The following SDCCAG8 variants were observed in gnomAD, a reference collection of about 807,000 sequenced individuals.
SDCCAG8 encodes the protein SHH signaling and ciliogenesis regulator SDCCAG8, also known as serologically defined colon cancer antigen 8.
In SDCCAG8, 74 loss-of-function variants were observed where a neutral mutation model predicts 101.8. The observed-to-expected ratio is 0.73, with a 90% CI of 0.60 to 0.88. SDCCAG8 has a LOEUF of 0.88. SDCCAG8 is among the 40% of genes least tolerant of loss of function. The pLI is 0.00. For missense variants in SDCCAG8, 787 were observed against 822.6 expected (o/e 0.96, Z 0.53); for synonymous variants, 281 against 292.9 (o/e 0.96, Z 0.41).
intron 6 of SDCCAG8, among the ~76,000 whole-genome samples, chr1:243,294,439 C>G (rs960123147): frequency 6.7e-6 from 1 of 149,018 alleles, no homozygotes; most frequent in Non-Finnish European, 1.5e-5. Context: ...ATTCCAGGAG[C>G]TGAAAACAAA....
chr1:243,348,868 C>T (rs191413202), intron 12 of SDCCAG8, among the ~76,000 whole-genome samples: 1,692 of 151,742 alleles, frequency 0.011, 30 homozygotes, highest in African/African-American at 0.039. Context: ...TGCCTGTAAT[C>T]CCAGCTACTC....
chr1:243,281,254 G>A (rs138540336), intron 4 of SDCCAG8, among the ~76,000 whole-genome samples: 112 of 144,398 alleles, frequency 7.8e-4, no homozygotes, highest in African/African-American at 2.8e-3. Context: ...AAATCTATCT[G>A]TGTCTTCGTA....
In SDCCAG8 at chr1:243,368,645, C is replaced by CT. The variant is rs1346504112; in HGVS notation, c.1474-10073dup. The stretch of plus-strand genomic sequence containing the variant: ...TCATTGAGCACCATTCCTGGGATGT[C>CT]TTTCCTACAGATACAGTAAACATTG... On this transcript the variant is annotated intron_variant, in intron 12 of 17. Coordinates refer to ENST00000366541, the MANE Select transcript of SDCCAG8 (RefSeq NM_006642.5). 4.6e-5 allele frequency among the ~76,000 whole-genome samples: 7 copies of CT among 152,254 alleles called. No homozygotes were observed. In the East Asian group the frequency reaches 1.4e-3, roughly 29 times the overall value.
intron 16 of SDCCAG8, among the ~76,000 whole-genome samples, chr1:243,469,789 G>T (rs1362938864): frequency 6.8e-6 from 1 of 147,502 alleles, no homozygotes; most frequent in Non-Finnish European, 1.5e-5. Flanking sequence ...GGCCTTTTCA[G>T]TTTGGTCCCT....
At chr1:243,394,429 A>C (rs962585351) in intron 13 of SDCCAG8, among the ~76,000 whole-genome samples, 1 of 152,190 alleles carries the variant, frequency 6.6e-6, no homozygotes, top group Non-Finnish European at 1.5e-5. Context: ...CTCTATGAAA[A>C]TATCCCAGTT....
chr1:243,313,550 C>T (rs552889099), intron 8 of SDCCAG8, among the ~76,000 whole-genome samples: 180 of 152,336 alleles, frequency 1.2e-3, no homozygotes, highest in African/African-American at 4.1e-3. Flanking sequence ...GCTGCTCTTT[C>T]ATCTGGATCA....
At chr1:243,286,186 CT>C in intron 4 of SDCCAG8, 85 bp from the exon 5 acceptor site, 1 of 1,342,130 alleles carries the variant, frequency 7.5e-7, no homozygotes, top group Non-Finnish European at 1.1e-6. Flanking sequence ...GTCTTCCGTA[CT>C]TTATATCATG....
At chr1:243,466,636 CA>C (rs1660196343) in intron 16 of SDCCAG8, among the ~76,000 whole-genome samples, 1 of 152,168 alleles carries the variant, frequency 6.6e-6, no homozygotes, top group South Asian at 2.1e-4. Flanking sequence ...AGTAAGTACT[CA>C]ACAAACATTA....
chr1:243,267,459 G>A (rs1462909920), intron 1 of SDCCAG8: 11 of 328,342 alleles, frequency 3.4e-5, no homozygotes, highest in Non-Finnish European at 6.5e-5. Flanking sequence ...AGAATTAGCC[G>A]GGCGTGGTGA....
chr1:243,411,253 T>C (rs1483049557), intron 13 of SDCCAG8, among the ~76,000 whole-genome samples: 6 of 152,052 alleles, frequency 3.9e-5, no homozygotes, highest in Non-Finnish European at 8.8e-5. Context: ...TAGCTGGCAC[T>C]ACAGGCACAC....
intron 8 of SDCCAG8, among the ~76,000 whole-genome samples, chr1:243,309,674 A>G (rs578161640): frequency 6.6e-6 from 1 of 151,872 alleles, no homozygotes; most frequent in African/African-American, 2.4e-5. Context: ...AATTAAAAAA[A>G]TTTTTTTTGG....
At chr1:243,299,151 T>C (rs1224140884) in intron 6 of SDCCAG8, among the ~76,000 whole-genome samples, 7 of 152,222 alleles carry the variant, frequency 4.6e-5, no homozygotes, top group Admixed American at 4.6e-4. Context: ...TTCCTGACTT[T>C]TTATTTTTTA....
At chr1:243,384,658 G>T (rs2078165169) in intron 13 of SDCCAG8, among the ~76,000 whole-genome samples, 2 of 151,788 alleles carry the variant, frequency 1.3e-5, no homozygotes, top group Non-Finnish European at 2.9e-5. Context: ...AGATGACAGT[G>T]GAAGCCATGT....
At chr1:243,288,751 G>A (rs150939117) in intron 5 of SDCCAG8, among the ~76,000 whole-genome samples, 116 of 152,268 alleles carry the variant, frequency 7.6e-4, no homozygotes, top group African/African-American at 2.7e-3. Context: ...GCTCACGCCT[G>A]TAATCCCAAC....
intron 16 of SDCCAG8, among the ~76,000 whole-genome samples, chr1:243,485,276 C>T (rs1380081285): frequency 6.6e-6 from 1 of 152,088 alleles, no homozygotes; most frequent in Non-Finnish European, 1.5e-5. Flanking sequence ...CATGTACCTC[C>T]TAGGACTATA....
At chr1:243,448,866 T>A (rs1333392309) in intron 16 of SDCCAG8, among the ~76,000 whole-genome samples, 1 of 152,220 alleles carries the variant, frequency 6.6e-6, no homozygotes, top group Non-Finnish European at 1.5e-5. Flanking sequence ...ATCTTCTTTT[T>A]AAAAATCATC....
chr1:243,479,597 A>G (rs1299827400), intron 16 of SDCCAG8, among the ~76,000 whole-genome samples: 1 of 152,176 alleles, frequency 6.6e-6, no homozygotes, highest in Non-Finnish European at 1.5e-5. Flanking sequence ...TCATACAGAA[A>G]CAGGCAGTGG....
intron 16 of SDCCAG8, among the ~76,000 whole-genome samples, chr1:243,441,662 G>C (rs12144227): frequency 0.15 from 22,484 of 152,038 alleles, 1,754 homozygotes; most frequent in Non-Finnish European, 0.16. Context: ...GAAAACTCTA[G>C]GTTTGTTAAA....
intron 13 of SDCCAG8, among the ~76,000 whole-genome samples, chr1:243,387,118 A>G (rs2078354917): frequency 6.6e-6 from 1 of 152,236 alleles, no homozygotes; most frequent in South Asian, 2.1e-4. Context: ...TGCCGCTCAT[A>G]TGACTACCAT....
Sources: allele counts gnomAD v4.1 joint callset (sites outside exome capture counted in the v4.1 genomes callset), GRCh38; gene constraint gnomAD v4.1.1; transcripts MANE v1.5; gene names NCBI Gene and HGNC (gene_info 2026-07-23, HGNC 2026-07-21).